STIM2: variants seen among roughly 807,000 people sequenced by gnomAD.
The protein encoded by STIM2 is stromal interaction molecule 2.
Under a neutral mutation model 85.8 loss-of-function variants are expected in STIM2, and 31 were observed. The observed-to-expected ratio is 0.36, with a 90% CI of 0.27 to 0.49. The LOEUF (loss-of-function observed/expected upper bound fraction) is 0.49, where lower values mean the gene tolerates loss of function less well. STIM2 is among the 20% of genes least tolerant of loss of function. STIM2 has a pLI of 0.98. For missense variants in STIM2, 841 were observed against 927.6 expected (o/e 0.91, Z 1.21); for synonymous variants, 356 against 331.1 (o/e 1.08, Z -0.82).
chr4:27,021,674 G>C, intron 11 of STIM2: 4 of 454,252 alleles, frequency 8.8e-6, no homozygotes, highest in Non-Finnish European at 1.8e-5. Flanking sequence ...GTGTAGAGAA[G>C]TAGCTGGGAG....
intron 2 of STIM2, among the ~76,000 whole-genome samples, chr4:26,927,724 AACTG>A (rs1463012233): frequency 4.4e-5 from 6 of 136,986 alleles, no homozygotes; most frequent in Admixed American, 1.5e-4. Flanking sequence ...TAAAAAAAAA[AACTG>A]ACTGAACTTA....
intron 1 of STIM2, among the ~76,000 whole-genome samples, chr4:26,882,648 G>A (rs1402229756): frequency 6.6e-6 from 1 of 151,220 alleles, no homozygotes; most frequent in African/African-American, 2.4e-5. Flanking sequence ...TTTTTGTAGG[G>A]ACAGGATCTC....
At chr4:27,012,911 A>C (rs964030141) in intron 10 of STIM2, among the ~76,000 whole-genome samples, 1 of 152,070 alleles carries the variant, frequency 6.6e-6, no homozygotes, top group Non-Finnish European at 1.5e-5. Context: ...CGTAATTTGA[A>C]GTGATCATTC....
chr4:26,873,679 G>A (rs572368232), intron 1 of STIM2: 5 of 747,958 alleles, frequency 6.7e-6, no homozygotes, highest in African/African-American at 5.2e-5. Flanking sequence ...ACTCTCTTCT[G>A]CCATAATGGC....
At chr4:26,981,593 G>A (rs916414296) in intron 3 of STIM2, among the ~76,000 whole-genome samples, 3 of 152,082 alleles carry the variant, frequency 2.0e-5, no homozygotes, top group African/African-American at 4.8e-5. Flanking sequence ...CCTAATAATG[G>A]CCTTTTATAG....
Position 26,998,249 on chromosome 4 carries a change from T to C in STIM2, c.510-983T>C, listed in dbSNP as rs1299000581. Among the ~76,000 whole-genome samples the C allele has an allele frequency of 2.0e-5, 3 of 152,316 alleles. No homozygotes were observed. The East Asian group carries it at 5.8e-4, about 29-fold the overall frequency. On this transcript the variant is annotated intron_variant, in intron 4 of 11. Coordinates refer to ENST00000467087, the MANE Select transcript of STIM2 (RefSeq NM_020860.4). Reference sequence around the variant, plus strand: ...TAGTTGAGTACTGGGTTGCTTGTATTTACAGTCCATAATAAAGTGATTTTA... The same window carrying C: ...TAGTTGAGTACTGGGTTGCTTGTATCTACAGTCCATAATAAAGTGATTTTA...
chr4:27,002,010 TGCCCTTCTATAAGTCTA>T (rs1190342465), intron 5 of STIM2, among the ~76,000 whole-genome samples, 190 bp from the exon 6 acceptor site: 4 of 152,240 alleles, frequency 2.6e-5, no homozygotes, highest in Admixed American at 1.3e-4. Context: ...GGTTTACCTC[TGCCCTTCTATAAGTCTA>T]GTATATCAAA....
intron 2 of STIM2, 133 bp downstream of exon 2, chr4:26,919,767 C>T: frequency 1.8e-6 from 2 of 1,103,182 alleles, no homozygotes; most frequent in Non-Finnish European, 2.5e-6. Context: ...TTTCTTTTTA[C>T]ATGTTAATTT....
At chr4:26,963,861 G>A (rs1215908073) in intron 3 of STIM2, among the ~76,000 whole-genome samples, 1 of 152,164 alleles carries the variant, frequency 6.6e-6, no homozygotes, top group Non-Finnish European at 1.5e-5. Flanking sequence ...TTACACAAGA[G>A]ATAATACATT....
At chr4:26,958,158 G>A (rs1190299655) in intron 3 of STIM2, among the ~76,000 whole-genome samples, 2 of 151,982 alleles carry the variant, frequency 1.3e-5, no homozygotes, top group Non-Finnish European at 2.9e-5. Context: ...CTCGTAATAG[G>A]TGTATGATAA....
At position 27,022,653 on chromosome 4, in the gene STIM2, A is replaced by T; in HGVS notation, c.1898A>T (p.Glu633Val). The change falls in exon 12 of 12, where the codon GAG becomes GTG. Residue 633 changes from glutamate to valine, a missense_variant. By Grantham distance (121) the Glu-to-Val change is moderately radical. This residue lies in a region of STIM2 where 293 missense variants were observed against 284.5 expected (regional missense o/e 1.03). Transcript: ENST00000467087. Reference sequence around the variant, plus strand: ...ATATCAAGAGATGAGGTGTCCCTAGAGGATTCCTCCCGAGGGGATTCGCCT... The same window carrying T: ...ATATCAAGAGATGAGGTGTCCCTAGTGGATTCCTCCCGAGGGGATTCGCCT... The T allele has an allele frequency of 6.2e-7, 1 of 1,614,214 alleles. No homozygotes were observed. The highest frequency in any genetic ancestry group is 2.2e-5 in the East Asian group (1 of 44,878).
intron 3 of STIM2, among the ~76,000 whole-genome samples, chr4:26,992,443 G>T (rs1230629731): frequency 6.6e-6 from 1 of 151,972 alleles, no homozygotes; most frequent in Admixed American, 6.6e-5. Context: ...GGCTGGGTGT[G>T]GTGTCTCATA....
intron 3 of STIM2, among the ~76,000 whole-genome samples, chr4:26,970,210 T>C (rs1260204222): frequency 4.7e-4 from 5 of 10,712 alleles, no homozygotes; most frequent in African/African-American, 1.1e-3. Flanking sequence ...TATATATATA[T>C]ATATATATAT....
chr4:27,020,949 A>AC, intron 11 of STIM2: 9 of 1,504,194 alleles, frequency 6.0e-6, no homozygotes, highest in Non-Finnish European at 8.0e-6. Flanking sequence ...GCCACTTTTT[A>AC]CCTTGACTCT....
intron 2 of STIM2, among the ~76,000 whole-genome samples, chr4:26,946,267 A>G (rs1396051094): frequency 6.6e-6 from 1 of 152,240 alleles, no homozygotes; most frequent in African/African-American, 2.4e-5. Context: ...CTTTCACCTT[A>G]TATCAAAAAT....
At chr4:27,021,447 A>T (rs1728909159) in intron 11 of STIM2, 1 of 456,344 alleles carries the variant, frequency 2.2e-6, no homozygotes, top group Non-Finnish European at 4.4e-6. Context: ...AGCAGAGGGA[A>T]CAGCAAATGC....
intron 10 of STIM2, among the ~76,000 whole-genome samples, chr4:27,017,162 A>G (rs1728758217): frequency 6.6e-6 from 1 of 152,224 alleles, no homozygotes; most frequent in African/African-American, 2.4e-5. Context: ...AAATAGTTGG[A>G]TCTAAGACTT....
intron 1 of STIM2, among the ~76,000 whole-genome samples, chr4:26,891,132 T>C (rs559127698): frequency 4.6e-5 from 7 of 152,330 alleles, no homozygotes; most frequent in African/African-American, 1.7e-4. Flanking sequence ...GTGTGTCAAC[T>C]TGGCTGGTCT....
Position 26,970,286 on chromosome 4 carries a change from C to T in STIM2, c.397+12560C>T, listed in dbSNP as rs190917539. Among the ~76,000 whole-genome samples the T allele has an allele frequency of 4.0e-3, 593 of 148,928 alleles. 3 individuals are homozygous for T. Among genetic ancestry groups the T allele is most frequent in the African/African-American group, 0.013 (545 of 40,490 alleles). ...ATTATACTTTAAGTTCTAGGGTACA[C>T]GTGCACAACGTGCAGTTTTGATACC... On this transcript the variant is annotated intron_variant, in intron 3 of 11. Coordinates refer to ENST00000467087, the MANE Select transcript of STIM2 (RefSeq NM_020860.4).
Sources: gnomAD v4.1 joint callset for allele counts (sites outside exome capture counted in the v4.1 genomes callset) on GRCh38, gnomAD v4.1.1 for gene constraint, gnomAD v4.1.1 regional missense constraint, MANE v1.5 for transcripts, NCBI Gene and HGNC (gene_info 2026-07-23, HGNC 2026-07-21) for gene names.